Variants in AFF3 observed in about 807,000 individuals in gnomAD.
AFF3 encodes ALF transcription elongation factor 3.
In AFF3, 32 loss-of-function variants were observed where a neutral mutation model predicts 129.7. That is an observed-to-expected ratio of 0.25 (90% confidence interval 0.19 to 0.33). AFF3 has a LOEUF of 0.33. AFF3 is among the 10% of genes least tolerant of loss of function. The pLI is 1.00. For synonymous variants in AFF3, 644 were observed against 635.4 expected (o/e 1.01, Z -0.20); for missense variants, 1,373 against 1,592.0 (o/e 0.86, Z 2.34).
Position 100,007,219 on chromosome 2 carries a change from T to C in AFF3, c.416A>G (p.Gln139Arg). 2 of 1,614,158 alleles carry C rather than the reference T, an allele frequency of 1.2e-6. No individual in the cohort carries two copies. The highest frequency in any genetic ancestry group is 1.7e-6 in the Non-Finnish European group (2 of 1,180,032). Residue 139 changes from glutamine (Q) to arginine (R), a missense_variant, in exon 6 of 25, where the codon CAG becomes CGG. This residue lies in a region of AFF3 where 255 missense variants were observed against 256.0 expected (regional missense o/e 1.00). Coordinates refer to ENST00000672756, the MANE Select transcript of AFF3 (RefSeq NM_001386135.1). ...GCCCATAGTGCCTCTCTTACTCTGC[T>C]GCACGGGGACAGCTGCTGGTGTGGA... ...TTSTPAAVPV[Q>R]QSKRGTMGWQ... is the part of the protein sequence containing the mutation.
chr2:100,119,337 C>T (rs1691859963), intron 2 of AFF3, among the ~76,000 whole-genome samples: 1 of 152,160 alleles, frequency 6.6e-6, no homozygotes. Flanking sequence ...TTTTACATGT[C>T]TAGAGATTAT....
chr2:99,633,909 CT>C (rs139661861), intron 13 of AFF3, among the ~76,000 whole-genome samples: 1,742 of 116,404 alleles, frequency 0.015, 11 homozygotes, highest in East Asian at 0.069. Context: ...TTCTTCCTTC[CT>C]TTTTTTTTTT....
At chr2:99,577,923 A>T (rs1442567750) in intron 18 of AFF3, among the ~76,000 whole-genome samples, 1 of 152,224 alleles carries the variant, frequency 6.6e-6, no homozygotes, top group Non-Finnish European at 1.5e-5. Flanking sequence ...GTTGGAGGAA[A>T]AAAGCTTTCA....
rs1398228323 is a variant in AFF3 at position 99,996,237 on chromosome 2, G to C, written c.873+10395C>G. Among the ~76,000 whole-genome samples, 3 of 152,070 alleles carry C rather than the reference G, an allele frequency of 2.0e-5. No homozygotes were observed. In the East Asian group the frequency reaches 5.8e-4, roughly 29 times the overall value. On this transcript the variant is annotated intron_variant, in intron 7 of 24. Transcript: ENST00000672756. ...ATGGGAAAGTGGTTACAATAAGTAA[G>C]GAAAATAAATTAGATAACAATCAAA...
chr2:99,841,490 C>T (rs1689313936), intron 7 of AFF3, among the ~76,000 whole-genome samples: 1 of 152,210 alleles, frequency 6.6e-6, no homozygotes, highest in South Asian at 2.1e-4. Flanking sequence ...CTCAGGAAGT[C>T]CTGGCCTTAA....
intron 7 of AFF3, among the ~76,000 whole-genome samples, chr2:99,941,216 T>G (rs1221322185): frequency 6.6e-6 from 1 of 152,150 alleles, no homozygotes; most frequent in African/African-American, 2.4e-5. Context: ...GGAGTTTCTC[T>G]GGCAAACAGT....
At chr2:100,107,044 T>TA in intron 2 of AFF3, 3 of 985,434 alleles carry the variant, frequency 3.0e-6, no homozygotes, top group Non-Finnish European at 3.6e-6. Context: ...GGCGGGTATT[T>TA]AAAAATGTTT....
intron 9 of AFF3, among the ~76,000 whole-genome samples, chr2:99,744,412 T>A (rs1202478435): frequency 6.6e-6 from 1 of 152,232 alleles, no homozygotes; most frequent in East Asian, 1.9e-4. Flanking sequence ...TTAACCATTT[T>A]AAAGTGAACA....
At chr2:99,843,904 T>C (rs995723300) in intron 7 of AFF3, among the ~76,000 whole-genome samples, 2 of 152,014 alleles carry the variant, frequency 1.3e-5, no homozygotes, top group African/African-American at 4.8e-5. Context: ...TGTGATGGTG[T>C]CTGTAGTCTC....
intron 4 of AFF3, among the ~76,000 whole-genome samples, chr2:100,023,273 T>C (rs1461530429): frequency 6.6e-6 from 1 of 152,190 alleles, no homozygotes; most frequent in Non-Finnish European, 1.5e-5. Context: ...GCGCATACTA[T>C]AATACATAAA....
intron 12 of AFF3, among the ~76,000 whole-genome samples, chr2:99,654,319 GA>G (rs548265836): frequency 1.7e-3 from 256 of 152,002 alleles, no homozygotes; most frequent in Non-Finnish European, 2.8e-3. Context: ...ATAATTTGAG[GA>G]AAAAACCCTT....
intron 11 of AFF3, chr2:99,707,220 C>T (rs142612390): frequency 1.0e-6 from 1 of 985,384 alleles, no homozygotes; most frequent in Admixed American, 6.1e-5. Context: ...AAAAAGCCAT[C>T]TCCTACAGAA....
At position 99,715,310 on chromosome 2, in the gene AFF3, G is replaced by C. The variant is rs367851326; in HGVS notation, c.1091+11767C>G. Among the ~76,000 whole-genome samples, 20 of 152,318 alleles carry C rather than the reference G, an allele frequency of 1.3e-4. 1 individual carries two copies. In the South Asian group the frequency reaches 1.7e-3, roughly 13 times the overall value. The stretch of plus-strand genomic sequence containing the variant: ...CACGTTTTAGTTTTAAAAAAGAAGA[G>C]AAAAATTCTAGTAAAGCTCTGATCA... On this transcript the variant is annotated intron_variant, in intron 11 of 24. Coordinates refer to ENST00000672756, the MANE Select transcript of AFF3 (RefSeq NM_001386135.1).
intron 7 of AFF3, among the ~76,000 whole-genome samples, chr2:99,851,086 T>A (rs894310345): frequency 6.6e-6 from 1 of 152,144 alleles, no homozygotes; most frequent in African/African-American, 2.4e-5. Context: ...GAGAGAAGGG[T>A]TCACACGGCT....
intron 7 of AFF3, among the ~76,000 whole-genome samples, chr2:99,929,394 G>A (rs1696511552): frequency 6.6e-6 from 1 of 152,112 alleles, no homozygotes; most frequent in Non-Finnish European, 1.5e-5. Context: ...GACTCATTAC[G>A]TTACTTAATC....
intron 7 of AFF3, among the ~76,000 whole-genome samples, chr2:99,874,018 G>GA (rs1033067274): frequency 1.3e-5 from 2 of 150,946 alleles, no homozygotes; most frequent in Non-Finnish European, 3.0e-5. Flanking sequence ...ACTAAAAATA[G>GA]AAAAAAAAAT....
At chr2:100,057,970 A>G (rs1686945318) in intron 4 of AFF3, among the ~76,000 whole-genome samples, 1 of 152,210 alleles carries the variant, frequency 6.6e-6, no homozygotes, top group Non-Finnish European at 1.5e-5. Context: ...AAATAGCTTG[A>G]GTAAATCACC....
chr2:99,734,097 C>T (rs1413706926), intron 10 of AFF3, among the ~76,000 whole-genome samples: 9 of 152,240 alleles, frequency 5.9e-5, no homozygotes, highest in South Asian at 4.1e-4. Context: ...TATTTCTTAA[C>T]GTATTTCAAT....
At chr2:100,020,682 C>T (rs904959804) in intron 4 of AFF3, among the ~76,000 whole-genome samples, 5 of 152,140 alleles carry the variant, frequency 3.3e-5, no homozygotes, top group African/African-American at 1.2e-4. Context: ...CCAATCAACC[C>T]TCTCTAGACC....
Sources: allele counts gnomAD v4.1 joint callset (sites outside exome capture counted in the v4.1 genomes callset), GRCh38; gene constraint gnomAD v4.1.1; regional missense constraint gnomAD v4.1.1; transcripts MANE v1.5; gene names NCBI Gene and HGNC (gene_info 2026-07-23, HGNC 2026-07-21).